Variants in CNTN5 observed in about 807,000 individuals in gnomAD.
The protein encoded by CNTN5 is contactin-5.
CNTN5 carries 77 observed loss-of-function variants against 129.1 expected under a neutral mutation model. The ratio of observed to expected loss-of-function variants is 0.60; its 90% CI spans 0.50 to 0.72. CNTN5 has a LOEUF of 0.72. CNTN5 is among the 30% of genes least tolerant of loss of function. CNTN5 has a pLI of 0.00. For missense variants in CNTN5, 1,478 were observed against 1,328.8 expected, an observed-to-expected ratio of 1.11 and a Z score of -1.75; for synonymous variants, 509 against 465.6, an observed-to-expected ratio of 1.09 and a Z score of -1.20.
At chr11:100,068,738 G>A (rs1044300595) in intron 10 of CNTN5, among the ~76,000 whole-genome samples, 9 of 152,286 alleles carry the variant, frequency 5.9e-5, no homozygotes, top group Middle Eastern at 3.4e-3. Flanking sequence ...TAGCTTGCAG[G>A]CTTAGAAGCT....
intron 9 of CNTN5, among the ~76,000 whole-genome samples, chr11:100,003,119 T>G (rs1377630236): frequency 6.6e-6 from 1 of 152,142 alleles, no homozygotes; most frequent in Non-Finnish European, 1.5e-5. Context: ...AACACCGTGT[T>G]TTAATATCAA....
chr11:99,746,680 TC>T (rs1482192835), intron 3 of CNTN5, among the ~76,000 whole-genome samples: 1 of 152,202 alleles, frequency 6.6e-6, no homozygotes, highest in Admixed American at 6.5e-5. Flanking sequence ...TGGAATAGTT[TC>T]ATCCTGAAAC....
chr11:99,647,474 T>C (rs1411527534), intron 3 of CNTN5, among the ~76,000 whole-genome samples: 1 of 152,076 alleles, frequency 6.6e-6, no homozygotes, highest in African/African-American at 2.4e-5. Context: ...AGTAGTCTCA[T>C]ACTTTCAGTC....
intron 1 of CNTN5, among the ~76,000 whole-genome samples, chr11:99,119,444 T>A (rs1240444993): frequency 6.6e-6 from 1 of 152,168 alleles, no homozygotes; most frequent in East Asian, 1.9e-4. Flanking sequence ...TCCAGCTCCA[T>A]CTATGTTCCT....
intron 1 of CNTN5, among the ~76,000 whole-genome samples, chr11:99,140,380 G>A (rs893887723): frequency 6.6e-6 from 1 of 152,108 alleles, no homozygotes; most frequent in African/African-American, 2.4e-5. Flanking sequence ...TTTGGACAGA[G>A]ACTGTGTGGT....
At chr11:99,832,527 C>T (rs189654018) in intron 4 of CNTN5, among the ~76,000 whole-genome samples, 9 of 152,272 alleles carry the variant, frequency 5.9e-5, no homozygotes, top group Admixed American at 3.9e-4. Context: ...CTCTTCAATT[C>T]TTAGAAATCC....
chr11:99,134,117 C>T (rs1859098530), intron 1 of CNTN5, among the ~76,000 whole-genome samples: 1 of 152,102 alleles, frequency 6.6e-6, no homozygotes, highest in South Asian at 2.1e-4. Context: ...ATGAATGAAG[C>T]TTGAAGCCAT....
chr11:99,113,580 G>A (rs1857902622), intron 1 of CNTN5, among the ~76,000 whole-genome samples: 1 of 152,116 alleles, frequency 6.6e-6, no homozygotes, highest in South Asian at 2.1e-4. Context: ...TCTGTCAGCT[G>A]AAGCATTTCT....
At chr11:99,181,682 G>A (rs371142057) in intron 1 of CNTN5, among the ~76,000 whole-genome samples, 8 of 152,062 alleles carry the variant, frequency 5.3e-5, no homozygotes, top group Non-Finnish European at 7.4e-5. Context: ...ATTTTTCTTC[G>A]TTAGGAAATA....
intron 8 of CNTN5, among the ~76,000 whole-genome samples, chr11:99,985,934 C>T (rs1938646200): frequency 6.6e-6 from 1 of 152,186 alleles, no homozygotes; most frequent in African/African-American, 2.4e-5. Flanking sequence ...CTTAGCCACC[C>T]TTTCCTGTGG....
intron 3 of CNTN5, among the ~76,000 whole-genome samples, chr11:99,657,723 A>G (rs1952430522): frequency 6.6e-6 from 1 of 152,170 alleles, no homozygotes; most frequent in Admixed American, 6.6e-5. Flanking sequence ...ATGGTAACAC[A>G]AATGAAACAT....
chr11:99,116,956 T>C (rs1197765943), intron 1 of CNTN5, among the ~76,000 whole-genome samples: 1 of 152,168 alleles, frequency 6.6e-6, no homozygotes, highest in Non-Finnish European at 1.5e-5. Flanking sequence ...AGCATAAAGA[T>C]GTTCCTTACA....
intron 13 of CNTN5, among the ~76,000 whole-genome samples, chr11:100,131,464 A>T (rs1354380418): frequency 2.0e-5 from 3 of 152,072 alleles, no homozygotes; most frequent in African/African-American, 7.2e-5. Context: ...AGTTTTCAAC[A>T]TGTTAAGGTT....
intron 13 of CNTN5, among the ~76,000 whole-genome samples, chr11:100,165,652 A>G (rs761824213): frequency 1.4e-4 from 21 of 151,776 alleles, no homozygotes; most frequent in Non-Finnish European, 2.4e-4. Flanking sequence ...ATCATCTTCC[A>G]TCACATAACC....
intron 6 of CNTN5, among the ~76,000 whole-genome samples, chr11:99,911,694 T>C (rs896481757): frequency 1.3e-5 from 2 of 151,240 alleles, no homozygotes; most frequent in African/African-American, 4.9e-5. Flanking sequence ...TGTGTGTGGG[T>C]ACATATAGCT....
At chr11:99,066,386 G>A (rs1389727537) in intron 1 of CNTN5, among the ~76,000 whole-genome samples, 1 of 152,136 alleles carries the variant, frequency 6.6e-6, no homozygotes, top group Admixed American at 6.5e-5. Context: ...TTACAGGCAT[G>A]AGCCACCACG....
intron 2 of CNTN5, among the ~76,000 whole-genome samples, chr11:99,509,579 T>C (rs1233241115): frequency 1.3e-5 from 2 of 152,088 alleles, no homozygotes; most frequent in Non-Finnish European, 2.9e-5. Context: ...ATTTTTAGAC[T>C]CTGATACAAC....
At chr11:99,824,321 A>G (rs951764727) in intron 4 of CNTN5, among the ~76,000 whole-genome samples, 7 of 151,968 alleles carry the variant, frequency 4.6e-5, no homozygotes, top group Non-Finnish European at 7.4e-5. Context: ...AGTATAGTAT[A>G]CCATTTTATT....
At chr11:99,589,201 T>A (rs995122753) in intron 3 of CNTN5, among the ~76,000 whole-genome samples, 11 of 152,302 alleles carry the variant, frequency 7.2e-5, no homozygotes, top group Non-Finnish European at 1.3e-4. Flanking sequence ...GTAAATGCTT[T>A]ATAAATGCTG....
Sources: allele counts gnomAD v4.1 joint callset (sites outside exome capture counted in the v4.1 genomes callset), GRCh38; gene constraint gnomAD v4.1.1; transcripts MANE v1.5; gene names NCBI Gene and HGNC (gene_info 2026-07-23, HGNC 2026-07-21).